Variants in HSP90B1 observed in about 807,000 individuals in gnomAD.
HSP90B1 encodes heat shock protein 90 beta family member 1, also known as endoplasmin.
Under a neutral mutation model 100.4 loss-of-function variants are expected in HSP90B1, and 27 were observed. The observed-to-expected ratio is 0.27, with a 90% confidence interval of 0.20 to 0.37. The LOEUF (loss-of-function observed/expected upper bound fraction) is 0.37. Among genes scored for constraint, HSP90B1 ranks in the 10% least tolerant of loss-of-function variants. The pLI, the probability that HSP90B1 is intolerant of heterozygous loss-of-function variation, is 1.00. For synonymous variants in HSP90B1, 304 were observed against 330.8 expected (o/e 0.92, Z 0.88); for missense variants, 678 against 960.5 (o/e 0.71, Z 3.89).
chr12:103,941,323 G>C, intron 8 of HSP90B1, 87 bp from the exon 9 acceptor site: 1 of 1,369,660 alleles, frequency 7.3e-7, no homozygotes, highest in Non-Finnish European at 1.0e-6. Context: ...TTGCTAAACT[G>C]AATATGTACC....
At chr12:103,937,661 T>A (rs1432103814) in intron 5 of HSP90B1, 34 bp from the exon 6 acceptor site, 5 of 999,654 alleles carry the variant, frequency 5.0e-6, no homozygotes, top group Non-Finnish European at 6.4e-6. Flanking sequence ...CTTCTAAATG[T>A]TAGGTGTCTC....
In HSP90B1 at chr12:103,943,628, G is replaced by T; in HGVS notation, c.1891-110G>T. ...TTAAGAAAAGCTATTTTTATGACCTGCTTCTGTGTTTATGATCTTAAGTGA... is the reference window on the plus strand; with the variant it reads ...TTAAGAAAAGCTATTTTTATGACCTTCTTCTGTGTTTATGATCTTAAGTGA... On this transcript the variant is annotated intron_variant, in intron 13 of 17. Coordinates refer to ENST00000299767, the MANE Select transcript of HSP90B1 (RefSeq NM_003299.3). The surrounding 1 kb of genome is among the most constrained non-coding windows in gnomAD (Gnocchi z 5.3). The T allele has an allele frequency of 9.0e-7, 1 of 1,116,606 alleles. No individual in the cohort carries two copies. The allele number at this position is 1,116,606 out of a possible 1,614,324, so 69.2% of individuals were successfully genotyped here.
At chr12:103,939,482 A>C (rs373729714) in intron 7 of HSP90B1, 27 bp from the exon 8 acceptor site, 5 of 1,044,014 alleles carry the variant, frequency 4.8e-6, no homozygotes, top group Non-Finnish European at 5.7e-6. Context: ...GCTGAGAGAG[A>C]CTAATCAAAT....
chr12:103,930,463 G>T lies in HSP90B1; in HGVS notation c.-53G>T, dbSNP rs745581285. ...GAGGATCCGAACCCAGGGGTGGGGG[G>T]TGGAGGCGGCTCCTGCGATCGAAGG... On this transcript the variant is annotated 5_prime_UTR_variant, in exon 1 of 18. Coordinates refer to ENST00000299767, the MANE Select transcript of HSP90B1 (RefSeq NM_003299.3). The surrounding 1 kb of genome is among the most constrained non-coding windows in gnomAD (Gnocchi z 4.4). The T allele has an allele frequency of 4.5e-5, 67 of 1,494,566 alleles. No individual in the cohort carries two copies. The highest frequency in any genetic ancestry group is 1.8e-4 in the Middle Eastern group (1 of 5,582). The allele number at this position is 1,494,566 out of a possible 1,614,324, so 92.6% of individuals were successfully genotyped here. A position where few individuals can be genotyped will look rare whatever the true frequency, so the allele number is the denominator to read the frequency against.
At chr12:103,931,231 G>A (rs942114325) in intron 1 of HSP90B1, among the ~76,000 whole-genome samples, 2 of 152,216 alleles carry the variant, frequency 1.3e-5, no homozygotes, top group African/African-American at 2.4e-5. Flanking sequence ...TGTGGGTGTA[G>A]AAGAGGCCTG....
At chr12:103,940,359 T>C (rs1186327) in intron 8 of HSP90B1, among the ~76,000 whole-genome samples, 143,977 of 151,788 alleles carry the variant, frequency 0.95, 68,350 homozygotes, top group East Asian at 1. Flanking sequence ...TCTTCTTTTA[T>C]TGATCCCTTC....
chr12:103,941,752 T>C (rs773037254), intron 10 of HSP90B1, 46 bp downstream of exon 10: 3 of 1,601,462 alleles, frequency 1.9e-6, no homozygotes, highest in Non-Finnish European at 2.6e-6. Context: ...TGTGGGGGTC[T>C]GGCAGTGTAG....
In HSP90B1 at chr12:103,930,641, G is replaced by A. The variant is rs1479231216; in HGVS notation, c.49+77G>A. 1.4e-6 allele frequency: 2 copies of A among 1,431,980 alleles called. No individual in the cohort carries two copies. The highest frequency in any genetic ancestry group is 1.4e-5 in the African/African-American group (1 of 70,702). 88.7% of individuals were successfully genotyped at this position (1,431,980 alleles called of 1,614,324 possible). ...CTCGAAGGTCCTGGGGGCGTTGAAC[G>A]TGGGAGGGGGGATCCCGGGGCCTGC... is the stretch of plus-strand genomic sequence containing the variant. On this transcript the variant is annotated intron_variant, in intron 1 of 17. Transcript: ENST00000299767. The surrounding 1 kb of genome is among the most constrained non-coding windows in gnomAD (Gnocchi z 4.4).
At chr12:103,942,259 T>G (rs1231119780) in intron 11 of HSP90B1, among the ~76,000 whole-genome samples, 1 of 152,194 alleles carries the variant, frequency 6.6e-6, no homozygotes, top group Non-Finnish European at 1.5e-5. Context: ...AGTAGCATAT[T>G]TGTTCACTTC....
At position 103,930,504 on chromosome 12, in the gene HSP90B1, CGG is replaced by C; in HGVS notation, c.-11_-10del. 6.2e-7 allele frequency: 1 copy of C among 1,602,482 alleles called. No individual in the cohort carries two copies. Reference sequence around the variant, plus strand: ...CGATCGAAGGGGACTTGAGACTCACCGGCCGCACGCCATGAGGGCCCTGTGGG... The same window carrying C: ...CGATCGAAGGGGACTTGAGACTCACCCCGCACGCCATGAGGGCCCTGTGGG... On this transcript the variant is annotated 5_prime_UTR_variant, in exon 1 of 18. Coordinates refer to ENST00000299767, the MANE Select transcript of HSP90B1 (RefSeq NM_003299.3). The surrounding 1 kb of genome is among the most constrained non-coding windows in gnomAD (Gnocchi z 4.4).
At chr12:103,947,008 C>A in intron 16 of HSP90B1, 67 bp downstream of exon 16, 2 of 1,497,126 alleles carry the variant, frequency 1.3e-6, no homozygotes, top group South Asian at 1.3e-5. Flanking sequence ...TCAGAATAGG[C>A]CTCTCATGAT....
rs769072673 is a variant in HSP90B1, at chr12:103,941,608, AC to A, written c.1231-20del. 6.2e-7 allele frequency: 1 copy of A among 1,613,840 alleles called. No individual in the cohort carries two copies. Among genetic ancestry groups the A allele is most frequent in the Admixed American group, 1.7e-5 (1 of 59,954 alleles). ...TTGAAAGTTTAATTTCCAGAAAGTG[AC>A]TTTTTTTTGGTCTCTTTAGCTCTAT... On this transcript the variant is annotated intron_variant, in intron 9 of 17. Transcript: ENST00000299767.
chr12:103,943,967 T>C lies in HSP90B1; in HGVS notation c.2027+93T>C. ...ACCAGCTTCAATACAAAGAGTAAAA[T>C]TGCCTTAAATGTCTACCACTGTCTA... On this transcript the variant is annotated intron_variant, in intron 14 of 17. Transcript: ENST00000299767. This position sits in a 1 kb window ranked among gnomAD's most constrained non-coding sequence, Gnocchi z 5.3. The C allele has an allele frequency of 8.2e-7, 1 of 1,221,388 alleles. No homozygotes were observed. Among genetic ancestry groups the C allele is most frequent in the South Asian group, 1.7e-5 (1 of 60,558 alleles). 75.7% of individuals were successfully genotyped at this position (1,221,388 alleles called of 1,614,324 possible). A position where few individuals can be genotyped will look rare whatever the true frequency, so the allele number is the denominator to read the frequency against.
chr12:103,932,982 G>A, intron 4 of HSP90B1, 40 bp downstream of exon 4: 1 of 1,051,064 alleles, frequency 9.5e-7, no homozygotes, highest in Non-Finnish European at 1.5e-6. Flanking sequence ...AAAGGAAAAG[G>A]AATCCTTAAA....
Position 103,930,458 on chromosome 12 carries a change from GGGGGGT to G in HSP90B1, c.-55_-50del. The G allele has an allele frequency of 8.6e-7, 1 of 1,159,682 alleles. No individual in the cohort carries two copies. 71.8% of individuals were successfully genotyped at this position (1,159,682 alleles called of 1,614,324 possible). A position where few individuals can be genotyped will look rare whatever the true frequency, so the allele number is the denominator to read the frequency against. Reference sequence around the variant, plus strand: ...GGTGTGAGGATCCGAACCCAGGGGTGGGGGGTGGAGGCGGCTCCTGCGATCGAAGGG... The same window carrying G: ...GGTGTGAGGATCCGAACCCAGGGGTGGGAGGCGGCTCCTGCGATCGAAGGG... On this transcript the variant is annotated 5_prime_UTR_variant, in exon 1 of 18. Transcript: ENST00000299767. This position sits in a 1 kb window ranked among gnomAD's most constrained non-coding sequence, Gnocchi z 4.4.
chr12:103,941,287 G>A (rs1566167050), intron 8 of HSP90B1, 123 bp from the exon 9 acceptor site: 11 of 959,290 alleles, frequency 1.1e-5, no homozygotes, highest in Non-Finnish European at 1.5e-5. Flanking sequence ...CCTCCCGCCA[G>A]TAAAGGAAAA....
intron 5 of HSP90B1, 66 bp downstream of exon 5, chr12:103,934,353 T>C: frequency 2.4e-6 from 3 of 1,254,790 alleles, no homozygotes; most frequent in Non-Finnish European, 3.4e-6. Flanking sequence ...TCCAGTTCTA[T>C]TCTCTGAGCA....
rs1180237754 is a variant in HSP90B1, at chr12:103,943,031, CA to C, written c.1645-42del. The C allele has an allele frequency of 6.2e-7, 1 of 1,605,378 alleles. No homozygotes were observed. Among genetic ancestry groups the C allele is most frequent in the Non-Finnish European group, 8.5e-7 (1 of 1,176,074 alleles). On this transcript the variant is annotated intron_variant, in intron 12 of 17. Transcript: ENST00000299767. The surrounding 1 kb of genome is among the most constrained non-coding windows in gnomAD (Gnocchi z 5.3). ...CAGCTGCTAGGATAAACAAATACAC[CA>C]GGGCCAGACTTGGAAAACTTTGTGA... is the stretch of plus-strand genomic sequence containing the variant.
At position 103,947,445 on chromosome 12, in the gene HSP90B1, G is replaced by T; in HGVS notation, c.2382+15G>T. On this transcript the variant is annotated intron_variant, in intron 17 of 17. Coordinates refer to ENST00000299767, the MANE Select transcript of HSP90B1 (RefSeq NM_003299.3). ...AAACAGCAAAGGTATGGCAAATCAA[G>T]AATGTGACTTGCATTTTCAGTTCTG... is the stretch of plus-strand genomic sequence containing the variant. 6.2e-7 allele frequency: 1 copy of T among 1,614,064 alleles called. No homozygotes were observed. Among genetic ancestry groups the T allele is most frequent in the South Asian group, 1.1e-5 (1 of 91,032 alleles).
Sources: gnomAD v4.1 joint callset for allele counts (sites outside exome capture counted in the v4.1 genomes callset) on GRCh38, gnomAD v4.1.1 for gene constraint, Gnocchi (gnomAD v3.1) non-coding constraint, MANE v1.5 for transcripts, NCBI Gene and HGNC (gene_info 2026-07-23, HGNC 2026-07-21) for gene names.